Variants in DSCAM observed in about 807,000 individuals in gnomAD.
DSCAM encodes cell adhesion molecule DSCAM.
Under a neutral mutation model 217.7 loss-of-function variants are expected in DSCAM, and 47 were observed. That is an observed-to-expected ratio of 0.22 (90% CI 0.17 to 0.28). The LOEUF is 0.28. Among genes scored for constraint, DSCAM ranks in the 10% least tolerant of loss-of-function variants. The pLI is 1.00. For missense variants in DSCAM, 2,080 were observed against 2,618.3 expected, an observed-to-expected ratio of 0.79 and a Z score of 4.49; for synonymous variants, 1,056 against 1,015.3, an observed-to-expected ratio of 1.04 and a Z score of -0.76.
chr21:40,502,731 C>T (rs2076179670), intron 3 of DSCAM, among the ~76,000 whole-genome samples: 1 of 152,154 alleles, frequency 6.6e-6, no homozygotes, highest in Admixed American at 6.6e-5. Context: ...TTTCTTATGT[C>T]AAGGACAGCT....
chr21:40,296,015 A>G (rs200983012), intron 10 of DSCAM, 40 bp downstream of exon 10: 11 of 1,598,812 alleles, frequency 6.9e-6, no homozygotes, highest in Non-Finnish European at 8.5e-6. Flanking sequence ...GAACATAGCA[A>G]ATGTTTGACA....
chr21:40,523,561 C>T (rs1436142021), intron 3 of DSCAM, among the ~76,000 whole-genome samples: 2 of 152,268 alleles, frequency 1.3e-5, no homozygotes, highest in East Asian at 1.9e-4. Flanking sequence ...AGGGGAAAAC[C>T]ACCTTACCAC....
chr21:40,765,088 C>G lies in DSCAM; in HGVS notation c.44-56317G>C, dbSNP rs1407622688. 2.5e-5 allele frequency among the ~76,000 whole-genome samples: 3 copies of G among 119,652 alleles called. No homozygotes were observed. The South Asian group carries it at 1.1e-3, about 42-fold the overall frequency. 78.5% of individuals were successfully genotyped at this position (119,652 alleles called of 152,430 possible). ...ATGTAACAAACCTGCACATTCTGCA[C>G]ATGTATCACAGAAAAAAAAAAAAAG... On this transcript the variant is annotated intron_variant, in intron 1 of 32. Transcript: ENST00000400454.
chr21:40,303,850 A>G (rs1461344322), intron 9 of DSCAM, among the ~76,000 whole-genome samples: 1 of 152,210 alleles, frequency 6.6e-6, no homozygotes, highest in Non-Finnish European at 1.5e-5. Context: ...CACCATTAAA[A>G]GCCAGAAACC....
At chr21:40,020,314 A>C (rs912089568) in intron 32 of DSCAM, among the ~76,000 whole-genome samples, 1 of 152,130 alleles carries the variant, frequency 6.6e-6, no homozygotes, top group Non-Finnish European at 1.5e-5. Context: ...TTCTTTATAA[A>C]TTACCCAGTC....
intron 15 of DSCAM, 58 bp from the exon 16 acceptor site, chr21:40,167,346 C>G: frequency 6.6e-7 from 1 of 1,507,196 alleles, no homozygotes; most frequent in Non-Finnish European, 9.2e-7. Context: ...CAGATCGAAG[C>G]CTACACAGCC....
chr21:40,552,934 C>T (rs1479150293), intron 3 of DSCAM, among the ~76,000 whole-genome samples: 2 of 151,176 alleles, frequency 1.3e-5, no homozygotes, highest in African/African-American at 4.9e-5. Context: ...AAAAGTAAAA[C>T]ATTATACAGC....
intron 20 of DSCAM, among the ~76,000 whole-genome samples, chr21:40,098,009 A>G (rs1224873019): frequency 6.8e-6 from 1 of 148,084 alleles, no homozygotes; most frequent in African/African-American, 2.5e-5. Flanking sequence ...AAAGAAAGAA[A>G]GAAAGAAATG....
At chr21:40,048,911 CTAAA>C (rs1005714151) in intron 30 of DSCAM, among the ~76,000 whole-genome samples, 4 of 151,880 alleles carry the variant, frequency 2.6e-5, no homozygotes, top group Non-Finnish European at 5.9e-5. Flanking sequence ...ATTTCTAACT[CTAAA>C]TAAAACACGG....
At position 40,378,464 on chromosome 21, in the gene DSCAM, G is replaced by A. The variant is rs1174103266; in HGVS notation, c.509-9219C>T. On this transcript the variant is annotated intron_variant, in intron 3 of 32. Transcript: ENST00000400454. ...CATACTTTTCAATCCCTCTTGCAAC[G>A]TCAAAGATTATCCTATGGAAAAACT... Among the ~76,000 whole-genome samples the A allele has an allele frequency of 1.0e-4, 15 of 150,342 alleles. No homozygotes were observed. The East Asian group carries it at 2.8e-3, about 28-fold the overall frequency.
chr21:40,802,470 A>C (rs2091750515), intron 1 of DSCAM, among the ~76,000 whole-genome samples: 1 of 152,168 alleles, frequency 6.6e-6, no homozygotes, highest in African/African-American at 2.4e-5. Context: ...GAAGGACATG[A>C]GTTTTGGGGG....
chr21:40,457,573 C>T (rs1396316633), intron 3 of DSCAM, among the ~76,000 whole-genome samples: 1 of 151,936 alleles, frequency 6.6e-6, no homozygotes, highest in African/African-American at 2.4e-5. Context: ...TGTATTATAT[C>T]AATTTGTAAT....
At chr21:40,232,074 A>G (rs2091386968) in intron 11 of DSCAM, among the ~76,000 whole-genome samples, 2 of 152,006 alleles carry the variant, frequency 1.3e-5, no homozygotes, top group South Asian at 4.2e-4. Flanking sequence ...TGAATATAGT[A>G]ATTTTTTTTG....
intron 7 of DSCAM, among the ~76,000 whole-genome samples, chr21:40,338,752 A>G (rs1482398804): frequency 6.6e-6 from 1 of 152,200 alleles, no homozygotes; most frequent in African/African-American, 2.4e-5. Context: ...CTAGGACGAC[A>G]ATGGAGGTTA....
intron 3 of DSCAM, among the ~76,000 whole-genome samples, chr21:40,586,530 T>G (rs1302964584): frequency 6.6e-6 from 1 of 152,190 alleles, no homozygotes; most frequent in African/African-American, 2.4e-5. Context: ...AAACTTCATT[T>G]GCATAATAAT....
At chr21:40,103,664 G>C (rs1399200225) in intron 20 of DSCAM, among the ~76,000 whole-genome samples, 1 of 151,600 alleles carries the variant, frequency 6.6e-6, no homozygotes, top group Admixed American at 6.6e-5. Flanking sequence ...CTTTCACTGA[G>C]ATTACTGTAG....
At chr21:40,057,939 G>A (rs941138364) in intron 28 of DSCAM, among the ~76,000 whole-genome samples, 2 of 145,214 alleles carry the variant, frequency 1.4e-5, no homozygotes, top group South Asian at 4.5e-4. Flanking sequence ...GCAGTGGCGC[G>A]ATCTCAGCTC....
At chr21:40,619,158 T>C (rs2089446097) in intron 3 of DSCAM, among the ~76,000 whole-genome samples, 1 of 151,944 alleles carries the variant, frequency 6.6e-6, no homozygotes, top group South Asian at 2.1e-4. Context: ...TGAAGTGGGG[T>C]TAATATAACA....
At chr21:40,137,948 T>C (rs1484468349) in intron 18 of DSCAM, among the ~76,000 whole-genome samples, 1 of 152,142 alleles carries the variant, frequency 6.6e-6, no homozygotes, top group Admixed American at 6.5e-5. Context: ...TTAGCAAAAA[T>C]TCAGAGGAAA....
Sources: gnomAD v4.1 joint callset for allele counts (sites outside exome capture counted in the v4.1 genomes callset) on GRCh38, gnomAD v4.1.1 for gene constraint, MANE v1.5 for transcripts, NCBI Gene and HGNC (gene_info 2026-07-23, HGNC 2026-07-21) for gene names.